CADM2: variants seen among roughly 807,000 people sequenced by gnomAD.
CADM2 encodes the protein cell adhesion molecule 2.
In CADM2, 12 loss-of-function variants were observed where a neutral mutation model predicts 49.8. That is an observed-to-expected ratio of 0.24 (90% CI 0.15 to 0.39). CADM2 has a LOEUF of 0.39. Ranked by LOEUF, CADM2 falls within the 10% of genes least tolerant of loss-of-function variation. CADM2 has a pLI of 1.00. For synonymous variants in CADM2, 214 were observed against 175.4 expected (o/e 1.22, Z -1.74); for missense variants, 378 against 492.3 (o/e 0.77, Z 2.20).
chr3:85,516,042 T>G (rs1411224882), intron 1 of CADM2, among the ~76,000 whole-genome samples: 2 of 152,108 alleles, frequency 1.3e-5, no homozygotes, highest in African/African-American at 4.8e-5. Flanking sequence ...CATTTTAAAG[T>G]TTCAAATGGG....
chr3:85,105,195 A>C (rs2038165378), intron 1 of CADM2, among the ~76,000 whole-genome samples: 1 of 152,166 alleles, frequency 6.6e-6, no homozygotes, highest in South Asian at 2.1e-4. Context: ...CAACCTACTC[A>C]TCTGACAAAG....
intron 8 of CADM2, among the ~76,000 whole-genome samples, chr3:85,973,607 T>A (rs1367506015): frequency 6.6e-6 from 1 of 151,788 alleles, no homozygotes; most frequent in African/African-American, 2.4e-5. Flanking sequence ...GTGTACTGCA[T>A]ACTTTATTAT....
Position 85,706,216 on chromosome 3 carries a change from A to G in CADM2, c.62-20306A>G, listed in dbSNP as rs555923463. On this transcript the variant is annotated intron_variant, in intron 1 of 9. Coordinates refer to ENST00000383699, the MANE Select transcript of CADM2 (RefSeq NM_001167675.2). ...AAAGTGATTTCTGAATTAACTCTAC[A>G]TTGTGTTCTATAATAACCCCACTTC... Among the ~76,000 whole-genome samples the G allele has an allele frequency of 4.6e-4, 70 of 152,298 alleles. 1 individual carries two copies. Among genetic ancestry groups the G allele is most frequent in the African/African-American group, 1.6e-3 (68 of 41,576 alleles).
intron 8 of CADM2, among the ~76,000 whole-genome samples, chr3:86,044,155 C>T (rs187803854): frequency 4.3e-4 from 65 of 152,120 alleles, no homozygotes; most frequent in Middle Eastern, 3.4e-3. Flanking sequence ...GCATGGGTAA[C>T]GACTTCACGT....
intron 1 of CADM2, among the ~76,000 whole-genome samples, chr3:85,166,002 T>C (rs2040462000): frequency 6.6e-6 from 1 of 151,700 alleles, no homozygotes; most frequent in African/African-American, 2.4e-5. Flanking sequence ...TAATTTTTTT[T>C]CCCAACAGTT....
At chr3:85,961,371 C>A in intron 7 of CADM2, 98 bp from the exon 8 acceptor site, 2 of 1,064,064 alleles carry the variant, frequency 1.9e-6, no homozygotes. Flanking sequence ...TGGTTGTGTA[C>A]AAAATACATG....
chr3:85,102,025 A>C (rs1421601623), intron 1 of CADM2, among the ~76,000 whole-genome samples: 1 of 152,208 alleles, frequency 6.6e-6, no homozygotes, highest in Non-Finnish European at 1.5e-5. Context: ...CTATATTCTC[A>C]CTCAGAAGTC....
chr3:85,167,154 A>G (rs1411749015), intron 1 of CADM2, among the ~76,000 whole-genome samples: 2 of 152,038 alleles, frequency 1.3e-5, no homozygotes, highest in Non-Finnish European at 2.9e-5. Flanking sequence ...AGGAATATGT[A>G]CTTTCAAAAG....
At chr3:85,099,488 G>A (rs1221165457) in intron 1 of CADM2, among the ~76,000 whole-genome samples, 1 of 108,414 alleles carries the variant, frequency 9.2e-6, no homozygotes, top group Non-Finnish European at 1.9e-5. Flanking sequence ...TTTTTTTTCT[G>A]AGACACAGTC....
chr3:85,266,792 T>A (rs2106826581), intron 1 of CADM2, among the ~76,000 whole-genome samples: 1 of 151,968 alleles, frequency 6.6e-6, no homozygotes, highest in East Asian at 1.9e-4. Context: ...TCTAGATTAG[T>A]TTTGAAGGAC....
chr3:85,178,594 T>A (rs1050898197), intron 1 of CADM2, among the ~76,000 whole-genome samples: 5 of 151,878 alleles, frequency 3.3e-5, no homozygotes, highest in Admixed American at 6.6e-5. Flanking sequence ...TCTGTAGAAA[T>A]ATGCACTGAG....
intron 1 of CADM2, among the ~76,000 whole-genome samples, chr3:85,142,752 A>G (rs1293854098): frequency 6.6e-6 from 1 of 152,168 alleles, no homozygotes; most frequent in Non-Finnish European, 1.5e-5. Context: ...TGGAAAATGA[A>G]TAGGGCATGG....
At chr3:85,359,408 A>G (rs1022653753) in intron 1 of CADM2, among the ~76,000 whole-genome samples, 1 of 151,672 alleles carries the variant, frequency 6.6e-6, no homozygotes, top group African/African-American at 2.4e-5. Context: ...GGCAATGTGT[A>G]CAGAATGGAA....
chr3:85,058,233 T>C (rs2036168037), intron 1 of CADM2, among the ~76,000 whole-genome samples: 1 of 152,124 alleles, frequency 6.6e-6, no homozygotes, highest in African/African-American at 2.4e-5. Context: ...TTAGCAGACA[T>C]AAAAATTCTA....
chr3:85,108,190 A>C (rs1317044112), intron 1 of CADM2, among the ~76,000 whole-genome samples: 1 of 152,092 alleles, frequency 6.6e-6, no homozygotes, highest in Non-Finnish European at 1.5e-5. Flanking sequence ...GGTTGCATAG[A>C]TAAAAATGTC....
intron 2 of CADM2, among the ~76,000 whole-genome samples, chr3:85,797,800 G>A (rs548813564): frequency 2.0e-5 from 3 of 152,134 alleles, no homozygotes; most frequent in Non-Finnish European, 4.4e-5. Flanking sequence ...GGGTCAAATG[G>A]TATTTCTAGT....
intron 5 of CADM2, among the ~76,000 whole-genome samples, chr3:85,900,761 G>A (rs1332720744): frequency 6.6e-6 from 1 of 152,102 alleles, no homozygotes; most frequent in Non-Finnish European, 1.5e-5. Flanking sequence ...TCCGGTGATG[G>A]AGGGACTTAA....
intron 1 of CADM2, among the ~76,000 whole-genome samples, chr3:85,475,405 A>G (rs1360805450): frequency 1.3e-5 from 2 of 151,960 alleles, no homozygotes; most frequent in African/African-American, 4.8e-5. Context: ...AAGATAATTC[A>G]TTCCTACAAA....
At chr3:85,537,494 TTGTG>T (rs60728026) in intron 1 of CADM2, among the ~76,000 whole-genome samples, 35,620 of 85,428 alleles carry the variant, frequency 0.42, 4,468 homozygotes, top group Non-Finnish European at 0.49. Flanking sequence ...GCATGGTTGT[TTGTG>T]TGTGTGTGTG....
Sources: gnomAD v4.1 joint callset for allele counts (sites outside exome capture counted in the v4.1 genomes callset) on GRCh38, gnomAD v4.1.1 for gene constraint, MANE v1.5 for transcripts, NCBI Gene and HGNC (gene_info 2026-07-23, HGNC 2026-07-21) for gene names.